Variants in PLSCR2 observed in about 807,000 individuals in gnomAD.
PLSCR2 encodes the protein phospholipid scramblase 2, also known as PL scramblase 2.
In PLSCR2, 18 loss-of-function variants were observed where a neutral mutation model predicts 25.3. The ratio of observed to expected loss-of-function variants is 0.71; its 90% CI spans 0.49 to 1.06. The LOEUF (loss-of-function observed/expected upper bound fraction) is 1.06. PLSCR2 is among the 50% of genes least tolerant of loss of function. The pLI, the probability that PLSCR2 is intolerant of heterozygous loss-of-function variation, is 0.00. For missense variants in PLSCR2, 243 were observed against 269.5 expected, an observed-to-expected ratio of 0.90 and a Z score of 0.69; for synonymous variants, 88 against 87.3, an observed-to-expected ratio of 1.01 and a Z score of -0.04.
intron 2 of PLSCR2, among the ~76,000 whole-genome samples, chr3:146,398,030 A>G (rs745488461): frequency 6.6e-6 from 1 of 152,018 alleles, no homozygotes. Context: ...TATTTTAGAT[A>G]TTCAAACAAA....
At chr3:146,466,471 T>C (rs1169746955) in intron 1 of PLSCR2, among the ~76,000 whole-genome samples, 2 of 152,206 alleles carry the variant, frequency 1.3e-5, no homozygotes, top group Non-Finnish European at 2.9e-5. Flanking sequence ...ACCTGGCCTA[T>C]AGAATTGTAT....
At chr3:146,441,706 C>A, downstream of PLSCR2, 2 of 888,368 alleles carry the variant, frequency 2.3e-6, no homozygotes, top group East Asian at 2.6e-5. Context: ...CTGAATTTTT[C>A]TTTTAGATAA....
intron 2 of PLSCR2, among the ~76,000 whole-genome samples, chr3:146,397,579 A>T (rs1010128694): frequency 2.0e-5 from 3 of 152,150 alleles, no homozygotes; most frequent in African/African-American, 7.2e-5. Flanking sequence ...CTTGGAGCTT[A>T]CCCAAGAGTG....
At chr3:146,404,816 A>AG (rs2038600148) in intron 2 of PLSCR2, among the ~76,000 whole-genome samples, 1 of 133,454 alleles carries the variant, frequency 7.5e-6, no homozygotes, top group Non-Finnish European at 1.7e-5. Flanking sequence ...AGGCAAAAAA[A>AG]AAAAAGGGGG....
At chr3:146,484,263 A>G (rs2043262356) in intron 1 of PLSCR2, among the ~76,000 whole-genome samples, 2 of 151,008 alleles carry the variant, frequency 1.3e-5, no homozygotes, top group Admixed American at 1.3e-4. Context: ...AGGAATGAAC[A>G]AAACCTCCGA....
chr3:146,430,458 T>C (rs923709258), downstream of PLSCR2, among the ~76,000 whole-genome samples: 1 of 152,152 alleles, frequency 6.6e-6, no homozygotes, highest in African/African-American at 2.4e-5. Flanking sequence ...TTCTGTGCAC[T>C]CTTCTGGCAC....
intron 1 of PLSCR2, among the ~76,000 whole-genome samples, chr3:146,474,862 G>T (rs568492916): frequency 2.7e-5 from 4 of 150,684 alleles, no homozygotes; most frequent in African/African-American, 4.9e-5. Context: ...CTCTATTCTC[G>T]TCTGCATGTC....
At chr3:146,441,481 C>T (rs1356337862), downstream of PLSCR2, among the ~76,000 whole-genome samples, 1 of 151,840 alleles carries the variant, frequency 6.6e-6, no homozygotes, top group African/African-American at 2.4e-5. Context: ...AGTAGTCTTT[C>T]AAAGGAAGTT....
chr3:146,392,518 G>A (rs533798609), intron 3 of PLSCR2, among the ~76,000 whole-genome samples: 9 of 151,584 alleles, frequency 5.9e-5, no homozygotes, highest in East Asian at 1.9e-4. Context: ...GTACATTTTC[G>A]TTAAGTATTT....
intron 2 of PLSCR2, among the ~76,000 whole-genome samples, chr3:146,425,106 A>G (rs186909166): frequency 2.0e-4 from 30 of 151,914 alleles, no homozygotes; most frequent in Non-Finnish European, 4.3e-4. Context: ...TTACAGCCAT[A>G]GTGCCTGATA....
At chr3:146,424,917 C>G (rs2039286761) in intron 2 of PLSCR2, among the ~76,000 whole-genome samples, 1 of 44,910 alleles carries the variant, frequency 2.2e-5, no homozygotes, top group Non-Finnish European at 5.1e-5. Context: ...AAAGAGAAGA[C>G]ATAAAGTGCT....
At chr3:146,462,476 T>A (rs2041646891), upstream of PLSCR2, among the ~76,000 whole-genome samples, 1 of 151,660 alleles carries the variant, frequency 6.6e-6, no homozygotes, top group South Asian at 2.1e-4. Context: ...TTCTTTTTTT[T>A]TTTTTGGAGA....
chr3:146,485,044 T>C (rs1248042958), intron 1 of PLSCR2, among the ~76,000 whole-genome samples: 8 of 151,450 alleles, frequency 5.3e-5, no homozygotes, highest in Admixed American at 5.3e-4. Flanking sequence ...AGGAGACCTA[T>C]CTTCTGTACA....
chr3:146,424,330 C>A (rs982293773), intron 2 of PLSCR2, among the ~76,000 whole-genome samples: 4 of 151,932 alleles, frequency 2.6e-5, no homozygotes, highest in Non-Finnish European at 5.9e-5. Flanking sequence ...ATCCTTCTGA[C>A]CTCATTTAAT....
At chr3:146,455,833 G>A (rs1037454047) in intron 3 of PLSCR2, among the ~76,000 whole-genome samples, 18 of 152,148 alleles carry the variant, frequency 1.2e-4, no homozygotes, top group African/African-American at 4.1e-4. Flanking sequence ...ATATTATGGA[G>A]AGGAATATAG....
chr3:146,445,719 C>G (rs1048259943), intron 6 of PLSCR2, among the ~76,000 whole-genome samples: 10 of 152,066 alleles, frequency 6.6e-5, no homozygotes, highest in African/African-American at 2.2e-4. Flanking sequence ...GTTATTATCC[C>G]CTTGAATAAA....
upstream of PLSCR2, among the ~76,000 whole-genome samples, chr3:146,461,560 G>A (rs186132122): frequency 1.3e-5 from 2 of 152,110 alleles, no homozygotes; most frequent in African/African-American, 4.8e-5. Flanking sequence ...CAGAGGATAA[G>A]TAAGTTACTT....
At chr3:146,490,279 C>T (rs1355513391) in intron 1 of PLSCR2, among the ~76,000 whole-genome samples, 1 of 152,198 alleles carries the variant, frequency 6.6e-6, no homozygotes, top group East Asian at 1.9e-4. Flanking sequence ...GCAAAGCAAA[C>T]TCCATTAGCT....
chr3:146,451,619 T>C (rs1246781019), intron 5 of PLSCR2, among the ~76,000 whole-genome samples: 2 of 152,146 alleles, frequency 1.3e-5, no homozygotes. Flanking sequence ...GGGTGCCTGA[T>C]AGCTTCAGTA....
Sources: allele counts gnomAD v4.1 joint callset (sites outside exome capture counted in the v4.1 genomes callset), GRCh38; gene constraint gnomAD v4.1.1; transcripts MANE v1.5; gene names NCBI Gene and HGNC (gene_info 2026-07-23, HGNC 2026-07-21).